HVCN1: variants seen among roughly 807,000 people sequenced by gnomAD.
HVCN1 encodes the protein voltage-gated hydrogen channel 1.
A neutral mutation model predicts 29.2 loss-of-function variants in HVCN1; 14 were observed. The ratio of observed to expected loss-of-function variants is 0.48; its 90% CI spans 0.32 to 0.75. The LOEUF (loss-of-function observed/expected upper bound fraction) is 0.75, where lower values mean the gene tolerates loss of function less well. Ranked by LOEUF, HVCN1 falls within the 30% of genes least tolerant of loss-of-function variation. HVCN1 has a pLI of 0.04. For synonymous variants in HVCN1, 131 were observed against 133.2 expected (o/e 0.98, Z 0.11); for missense variants, 263 against 341.8 (o/e 0.77, Z 1.82).
At chr12:110,699,535 C>G (rs1215380637) in intron 2 of HVCN1, among the ~76,000 whole-genome samples, 3 of 152,048 alleles carry the variant, frequency 2.0e-5, no homozygotes, top group Non-Finnish European at 4.4e-5. Context: ...GCCTAGGAGC[C>G]CAGTCCAGGA....
At chr12:110,694,154 C>T (rs2069454826), upstream of HVCN1, among the ~76,000 whole-genome samples, 1 of 152,220 alleles carries the variant, frequency 6.6e-6, no homozygotes, top group African/African-American at 2.4e-5. This position sits in a 1 kb window ranked among gnomAD's most constrained non-coding sequence, Gnocchi z 4.6. Flanking sequence ...CCTTGACCAC[C>T]TGGACTCAAA....
At chr12:110,678,439 C>CTTTTTTTTTTTTTTTTTTTTTTTTTT (rs538999674) in intron 3 of HVCN1, among the ~76,000 whole-genome samples, 2 of 65,808 alleles carry the variant, frequency 3.0e-5, no homozygotes, top group East Asian at 5.0e-4. Flanking sequence ...CATTCTATTT[C>CTTTTTTTTTTTTTTTTTTTTTTTTTT]TTTTTTTTTT....
chr12:110,697,205 T>G (rs1014961185), intron 2 of HVCN1, among the ~76,000 whole-genome samples: 1 of 152,002 alleles, frequency 6.6e-6, no homozygotes, highest in Admixed American at 6.6e-5. Flanking sequence ...GAGTCAGGAA[T>G]TTGGCAGAGA....
At position 110,683,166 on chromosome 12, in the gene HVCN1, G is replaced by T. The variant is rs2069048406; in HGVS notation, c.21+59C>A. 31 of 1,612,338 alleles carry T rather than the reference G, an allele frequency of 1.9e-5. 1 individual carries two copies. In the South Asian group the frequency reaches 3.4e-4, roughly 18 times the overall value. ...CCTCTCCTGTTTGAAACACCAAACA[G>T]AATTATCCTCTCAAGGCTGGGATAT... On this transcript the variant is annotated intron_variant, in intron 3 of 7. Coordinates refer to ENST00000242607, the MANE Select transcript of HVCN1 (RefSeq NM_032369.4).
In HVCN1 at chr12:110,676,192, C is replaced by T. The variant is rs1278334337; in HGVS notation, c.21+7033G>A. Among the ~76,000 whole-genome samples, 2 of 152,176 alleles carry T rather than the reference C, an allele frequency of 1.3e-5. No homozygotes were observed. Among genetic ancestry groups the T allele is most frequent in the Admixed American group, 6.5e-5 (1 of 15,288 alleles). On this transcript the variant is annotated intron_variant, in intron 3 of 7. Transcript: ENST00000242607. The surrounding 1 kb of genome is among the most constrained non-coding windows in gnomAD (Gnocchi z 4.1). ...GGTGCATTTCAGCAACTAAATGACC[C>T]CTGATCTGCCACCTACTTCCCCCAC...
chr12:110,667,676 C>T lies in HVCN1; in HGVS notation c.22-6228G>A, dbSNP rs542452287. On this transcript the variant is annotated intron_variant, in intron 3 of 7. Coordinates refer to ENST00000242607, the MANE Select transcript of HVCN1 (RefSeq NM_032369.4). Reference sequence around the variant, plus strand: ...CAAACTCCTGGGCTCAAGTGATCCACCCGCCTCGGCCTCCCAAAGTTCTGG... The same window carrying T: ...CAAACTCCTGGGCTCAAGTGATCCATCCGCCTCGGCCTCCCAAAGTTCTGG... 4.9e-4 allele frequency among the ~76,000 whole-genome samples: 74 copies of T among 152,288 alleles called. No homozygotes were observed. In the South Asian group the frequency reaches 9.7e-3, roughly 20 times the overall value.
At chr12:110,683,772 A>C (rs1172612418) in intron 2 of HVCN1, among the ~76,000 whole-genome samples, 1 of 151,912 alleles carries the variant, frequency 6.6e-6, no homozygotes, top group East Asian at 1.9e-4. Context: ...TTAGCTGGGC[A>C]TGGTGGTGGG....
chr12:110,660,902 T>C (rs2068145937), intron 4 of HVCN1, among the ~76,000 whole-genome samples: 1 of 152,248 alleles, frequency 6.6e-6, no homozygotes, highest in Non-Finnish European at 1.5e-5. Flanking sequence ...TTCCACTGTA[T>C]GGATAGAACA....
At chr12:110,697,907 C>T (rs1006001839) in intron 2 of HVCN1, among the ~76,000 whole-genome samples, 42 of 152,126 alleles carry the variant, frequency 2.8e-4, no homozygotes, top group Non-Finnish European at 5.6e-4. Flanking sequence ...ACCTCGGCCT[C>T]CCAAAGTGCT....
intron 3 of HVCN1, among the ~76,000 whole-genome samples, chr12:110,672,849 C>T (rs1453503050): frequency 3.3e-5 from 5 of 152,180 alleles, no homozygotes; most frequent in East Asian, 1.9e-4. Flanking sequence ...AAGTGCCTTT[C>T]GCCTCCTGCC....
At position 110,665,650 on chromosome 12, in the gene HVCN1, A is replaced by G. The variant is rs149030326; in HGVS notation, c.22-4202T>C. ...ATTACAAATATATTCAAGGATTTCA[A>G]GGAAAACATAAACTTAATGAGGGAG... On this transcript the variant is annotated intron_variant, in intron 3 of 7. Coordinates refer to ENST00000242607, the MANE Select transcript of HVCN1 (RefSeq NM_032369.4). 1.5e-3 allele frequency among the ~76,000 whole-genome samples: 225 copies of G among 152,332 alleles called. 1 individual carries two copies. Among genetic ancestry groups the G allele is most frequent in the African/African-American group, 5.2e-3 (215 of 41,582 alleles).
intron 3 of HVCN1, 69 bp downstream of exon 3, chr12:110,683,156 A>G: frequency 6.2e-7 from 1 of 1,604,536 alleles, no homozygotes; most frequent in Non-Finnish European, 8.5e-7. Flanking sequence ...CCTGTTTGAA[A>G]CACCAAACAG....
At position 110,658,404 on chromosome 12, in the gene HVCN1, T is replaced by A. The variant is rs1458879044; in HGVS notation, c.306+2760A>T. 6.6e-6 allele frequency among the ~76,000 whole-genome samples: 1 copy of A among 151,994 alleles called. No homozygotes were observed. On this transcript the variant is annotated intron_variant, in intron 4 of 7. Transcript: ENST00000242607. This position sits in a 1 kb window ranked among gnomAD's most constrained non-coding sequence, Gnocchi z 5.0. ...GATCTCCCACCCACACACTTAGAGC[T>A]TTCAAAGGCAGCCCATGACCCGTGG...
upstream of HVCN1, among the ~76,000 whole-genome samples, chr12:110,691,070 T>G (rs2069396003): frequency 6.8e-6 from 1 of 146,592 alleles, no homozygotes; most frequent in South Asian, 2.2e-4. Flanking sequence ...CAGGCTTTCT[T>G]TTTTCTTTTT....
At chr12:110,654,357 G>A (rs1451826545) in intron 5 of HVCN1, among the ~76,000 whole-genome samples, 1 of 151,760 alleles carries the variant, frequency 6.6e-6, no homozygotes, top group Non-Finnish European at 1.5e-5. Context: ...GTATCAGGAA[G>A]AAGGAGGAAG....
At chr12:110,662,229 C>A (rs2068200988) in intron 3 of HVCN1, among the ~76,000 whole-genome samples, 1 of 147,546 alleles carries the variant, frequency 6.8e-6, no homozygotes, top group African/African-American at 2.6e-5. Flanking sequence ...CTGGCTTTGT[C>A]AATAGGAAAA....
At chr12:110,703,207 CA>C (rs758737358) in intron 1 of HVCN1, among the ~76,000 whole-genome samples, 27,409 of 98,644 alleles carry the variant, frequency 0.28, 2,600 homozygotes, top group Admixed American at 0.34. Flanking sequence ...ATGTCTCTAC[CA>C]AAAAAAAAAA....
chr12:110,654,491 TC>T (rs1296901881), intron 5 of HVCN1, among the ~76,000 whole-genome samples: 5 of 146,954 alleles, frequency 3.4e-5, no homozygotes, highest in Non-Finnish European at 6.0e-5. Context: ...TTTTTTTTTT[TC>T]CTGGAGACGG....
chr12:110,661,916 C>T lies in HVCN1; in HGVS notation c.22-468G>A, dbSNP rs73191857. 0.043 allele frequency among the ~76,000 whole-genome samples: 6,611 copies of T among 152,290 alleles called. 191 individuals carry two copies. The highest frequency in any genetic ancestry group is 0.064 in the Non-Finnish European group (4,369 of 68,012). The stretch of plus-strand genomic sequence containing the variant: ...ATCACGCCACACATCCTGACAGGCG[C>T]GTGGCAGATGGACATTTTCCAAGTT... On this transcript the variant is annotated intron_variant, in intron 3 of 7. Coordinates refer to ENST00000242607, the MANE Select transcript of HVCN1 (RefSeq NM_032369.4). This position sits in a 1 kb window ranked among gnomAD's most constrained non-coding sequence, Gnocchi z 6.2.
Sources: allele counts gnomAD v4.1 joint callset (sites outside exome capture counted in the v4.1 genomes callset), GRCh38; gene constraint gnomAD v4.1.1; non-coding constraint Gnocchi (gnomAD v3.1); transcripts MANE v1.5; gene names NCBI Gene and HGNC (gene_info 2026-07-23, HGNC 2026-07-21).